Variants in RANBP2 observed in about 807,000 individuals in gnomAD.
The protein encoded by RANBP2 is E3 SUMO-protein ligase RanBP2.
In RANBP2, 57 loss-of-function variants were observed where a neutral mutation model predicts 303.6. That is an observed-to-expected ratio of 0.19 (90% CI 0.15 to 0.23). The LOEUF (loss-of-function observed/expected upper bound fraction) is 0.23, where lower values mean the gene tolerates loss of function less well. Among genes scored for constraint, RANBP2 ranks in the 10% least tolerant of loss-of-function variants. The pLI, the probability that RANBP2 is intolerant of heterozygous loss-of-function variation, is 1.00. For synonymous variants in RANBP2, 1,167 were observed against 1,301.5 expected (o/e 0.90, Z 2.23); for missense variants, 3,138 against 3,780.8 (o/e 0.83, Z 4.46).
At chr2:109,346,902 C>G in the RANBP2 span, among the ~76,000 whole-genome samples, 2 of 152,190 alleles carry the variant, frequency 1.3e-5, no homozygotes, top group Non-Finnish European at 2.9e-5. Context: ...CAAGTACATG[C>G]AGCAGAAAGC....
At chr2:109,218,778 T>C in the RANBP2 span, among the ~76,000 whole-genome samples, 22 of 152,218 alleles carry the variant, frequency 1.4e-4, no homozygotes, top group Non-Finnish European at 2.2e-4. Flanking sequence ...CTGACTATAT[T>C]TGCTGTTTCT....
At chr2:109,640,550 T>C in the RANBP2 span, among the ~76,000 whole-genome samples, 2 of 152,220 alleles carry the variant, frequency 1.3e-5, no homozygotes, top group Non-Finnish European at 2.9e-5. Flanking sequence ...AGTAAGCATG[T>C]GTTTCAGGGT....
At chr2:108,745,244 T>C (rs1696418416) in intron 7 of RANBP2, among the ~76,000 whole-genome samples, 1 of 144,538 alleles carries the variant, frequency 6.9e-6, no homozygotes, top group Admixed American at 7.1e-5. Context: ...TTGCCAAATA[T>C]CTAACCCTAA....
At chr2:109,109,368 C>T in the RANBP2 span, among the ~76,000 whole-genome samples, 3 of 152,300 alleles carry the variant, frequency 2.0e-5, no homozygotes, top group Non-Finnish European at 2.9e-5. Flanking sequence ...AGGGCCCAGC[C>T]GACCTGGGGA....
the RANBP2 span, among the ~76,000 whole-genome samples, chr2:109,189,775 T>C: frequency 6.6e-6 from 1 of 152,212 alleles, no homozygotes; most frequent in Admixed American, 6.5e-5. Flanking sequence ...AAGCAGATCT[T>C]TTACAAGTTC....
rs1223732726 is a variant in RANBP2 at position 108,772,819 on chromosome 2, A to G, written c.8114-49A>G. On this transcript the variant is annotated intron_variant, in intron 22 of 28. Transcript: ENST00000283195. ...TTGATGACTACCATTGTTGTAGAGA[A>G]GTTGGGCTTCATCTAATTTCGTTTG... 1.9e-6 allele frequency: 3 copies of G among 1,577,700 alleles called. No individual in the cohort carries two copies. In the African/African-American group the frequency reaches 4.1e-5, roughly 21 times the overall value.
chr2:109,600,779 G>A, the RANBP2 span, among the ~76,000 whole-genome samples: 3 of 152,124 alleles, frequency 2.0e-5, no homozygotes, highest in Non-Finnish European at 4.4e-5. Context: ...TCTGCTCATC[G>A]CCAGCCCCAG....
At chr2:109,221,583 A>G in the RANBP2 span, among the ~76,000 whole-genome samples, 3 of 115,694 alleles carry the variant, frequency 2.6e-5, no homozygotes, top group African/African-American at 4.5e-5. Flanking sequence ...CTCCATCTCA[A>G]AAAAAAAAAA....
At chr2:109,030,086 ACT>A in the RANBP2 span, among the ~76,000 whole-genome samples, 1 of 152,074 alleles carries the variant, frequency 6.6e-6, no homozygotes, top group East Asian at 1.9e-4. Context: ...GAATTCTTTG[ACT>A]CTAACTTTTG....
the RANBP2 span, among the ~76,000 whole-genome samples, chr2:108,795,737 C>T: frequency 8.5e-5 from 13 of 152,160 alleles, no homozygotes; most frequent in East Asian, 2.3e-3. Context: ...AAGGGCATTC[C>T]AGGTGTAAGG....
At position 108,766,523 on chromosome 2, in the gene RANBP2, A is replaced by G. The variant is rs1677134528; in HGVS notation, c.5984A>G (p.Asp1995Gly). 2 of 1,611,866 alleles carry G rather than the reference A, an allele frequency of 1.2e-6. No individual in the cohort carries two copies. The highest frequency in any genetic ancestry group is 1.7e-6 in the Non-Finnish European group (2 of 1,179,846). ...KMANKANTSG[D>G]FEKDDDAYKT... ...GCCAATAAAGCAAACACTTCCGGTG[A>G]CTTTGAGAAAGATGATGATGCCTAT... The change falls in exon 20 of 29, where the codon GAC becomes GGC. Residue 1995 changes from aspartate to glycine, a missense_variant. Transcript: ENST00000283195.
the RANBP2 span, among the ~76,000 whole-genome samples, chr2:109,075,638 G>A: frequency 1.5e-5 from 2 of 137,774 alleles, no homozygotes; most frequent in Admixed American, 7.2e-5. Flanking sequence ...AATGAGAGAA[G>A]ACATTACAAT....
chr2:109,323,806 A>G, the RANBP2 span, among the ~76,000 whole-genome samples: 6 of 152,352 alleles, frequency 3.9e-5, no homozygotes, highest in Admixed American at 2.6e-4. Flanking sequence ...TAGGTCTCCA[A>G]ATATTTCAGA....
chr2:109,372,094 G>T, the RANBP2 span, among the ~76,000 whole-genome samples: 4 of 152,252 alleles, frequency 2.6e-5, no homozygotes, highest in Non-Finnish European at 4.4e-5. Flanking sequence ...ACTGCACACG[G>T]ATTGGAAGGA....
At chr2:109,260,292 A>G in the RANBP2 span, among the ~76,000 whole-genome samples, 1 of 152,166 alleles carries the variant, frequency 6.6e-6, no homozygotes, top group Non-Finnish European at 1.5e-5. Context: ...ATGCACAGTC[A>G]CTGCTGATCC....
At chr2:109,643,484 G>T in the RANBP2 span, among the ~76,000 whole-genome samples, 2 of 152,332 alleles carry the variant, frequency 1.3e-5, no homozygotes, top group South Asian at 2.1e-4. Context: ...CAAAGGCTGG[G>T]CGCAGCGGCT....
the RANBP2 span, among the ~76,000 whole-genome samples, chr2:109,356,999 A>AAT: frequency 6.6e-6 from 1 of 152,128 alleles, no homozygotes; most frequent in South Asian, 2.1e-4. Context: ...GCTAGCACTG[A>AAT]ATGCAACATT....
the RANBP2 span, among the ~76,000 whole-genome samples, chr2:108,860,975 A>T: frequency 2.0e-5 from 2 of 99,706 alleles, no homozygotes; most frequent in African/African-American, 4.1e-5. Flanking sequence ...TAAGGTAAGG[A>T]TTCAATTTTG....
chr2:109,369,579 G>A, the RANBP2 span, among the ~76,000 whole-genome samples: 1 of 152,144 alleles, frequency 6.6e-6, no homozygotes. Context: ...CTGGGGGTTG[G>A]GGGAGAGGAT....
Sources: allele counts gnomAD v4.1 joint callset (sites outside exome capture counted in the v4.1 genomes callset), GRCh38; gene constraint gnomAD v4.1.1; transcripts MANE v1.5; gene names NCBI Gene and HGNC (gene_info 2026-07-23, HGNC 2026-07-21).